The following VCL variants were observed in gnomAD, a reference collection of about 807,000 sequenced individuals.
VCL encodes the protein vinculin.
A neutral mutation model predicts 125.7 loss-of-function variants in VCL; 47 were observed. The ratio of observed to expected loss-of-function variants is 0.37; its 90% confidence interval spans 0.30 to 0.48. The LOEUF (loss-of-function observed/expected upper bound fraction) is 0.48, where lower values mean the gene tolerates loss of function less well. Ranked by LOEUF, VCL falls within the 20% of genes least tolerant of loss-of-function variation. The pLI is 0.99. For missense variants in VCL, 1,069 were observed against 1,455.5 expected (o/e 0.73, Z 4.32); for synonymous variants, 458 against 514.6 (o/e 0.89, Z 1.49).
At position 74,114,883 on chromosome 10, in the gene VCL, A is replaced by G; in HGVS notation, c.3242A>G (p.Asp1081Gly). ...ATGCTGGGCCGGACCAACATCAGTG[A>G]TGAGGAGTCTGAGCAGGTATGTGGC... ...ATMLGRTNIS[D>G]EESEQATEML... The change falls in exon 21 of 22, where the codon GAT becomes GGT. Residue 1081 changes from aspartate to glycine, a missense_variant. Asp to Gly is a moderately conservative substitution (Grantham distance 94). Around this residue, in one of 6 missense-constraint regions of VCL, gnomAD observed 91 missense variants for 203.9 expected, o/e 0.45. Transcript: ENST00000211998. The G allele has an allele frequency of 6.3e-7, 1 of 1,597,202 alleles. No homozygotes were observed. Among genetic ancestry groups the G allele is most frequent in the African/African-American group, 1.3e-5 (1 of 74,560 alleles).
intron 1 of VCL, among the ~76,000 whole-genome samples, chr10:74,017,901 G>C (rs1300906006): frequency 6.6e-6 from 1 of 151,894 alleles, no homozygotes; most frequent in Non-Finnish European, 1.5e-5. Context: ...GCTCATGCCT[G>C]TAATCCCAGC....
intron 2 of VCL, among the ~76,000 whole-genome samples, chr10:74,053,371 A>G (rs1841340187): frequency 6.6e-6 from 1 of 152,098 alleles, no homozygotes; most frequent in African/African-American, 2.4e-5. Flanking sequence ...ATTCATAATA[A>G]TTATTCTTTT....
chr10:74,072,682 G>A lies in VCL; in HGVS notation c.500-48G>A, dbSNP rs751436955. 10 of 1,613,154 alleles carry A rather than the reference G, an allele frequency of 6.2e-6. No individual in the cohort carries two copies. The East Asian group carries it at 6.7e-5, about 11-fold the overall frequency. ...GATTTAGACTGAGAAAGCCAGACCC[G>A]GGATTGTTTCACTACTCACCCTGCA... On this transcript the variant is annotated intron_variant, in intron 4 of 21. Transcript: ENST00000211998.
At chr10:74,058,092 C>A (rs1297255149) in intron 2 of VCL, among the ~76,000 whole-genome samples, 1 of 152,080 alleles carries the variant, frequency 6.6e-6, no homozygotes, top group Non-Finnish European at 1.5e-5. Context: ...GGGAAGATCT[C>A]AACAAGGGCT....
intron 1 of VCL, chr10:74,005,042 G>T (rs1358572823): frequency 6.6e-6 from 1 of 152,018 alleles, no homozygotes; most frequent in Non-Finnish European, 1.5e-5. Flanking sequence ...AGTAGATACA[G>T]ATCAGCACAA....
chr10:74,031,819 C>T (rs1840877931), intron 1 of VCL, among the ~76,000 whole-genome samples: 1 of 152,004 alleles, frequency 6.6e-6, no homozygotes, highest in African/African-American at 2.4e-5. Flanking sequence ...AATCCCAGCA[C>T]TTTGGGAGGC....
At chr10:74,102,802 G>A (rs540101568) in intron 14 of VCL, among the ~76,000 whole-genome samples, 2 of 151,560 alleles carry the variant, frequency 1.3e-5, no homozygotes, top group East Asian at 1.9e-4. Context: ...AGGAATCTAG[G>A]CTTATAACAC....
intron 2 of VCL, among the ~76,000 whole-genome samples, chr10:74,043,399 T>C (rs1841134255): frequency 6.6e-6 from 1 of 151,986 alleles, no homozygotes; most frequent in Non-Finnish European, 1.5e-5. Context: ...CAGTTTGGAG[T>C]GCAATGGTGC....
rs1429797708 is a variant in VCL at position 74,105,191 on chromosome 10, C to T, written c.2272C>T (p.Arg758Cys). ...MLVAGATSIARRANRILLVAK... is the reference protein window; with the variant it reads ...MLVAGATSIACRANRILLVAK... ...GGTTGCTGGGGCAACCAGTATTGCT[C>T]GTCGGGCCAACCGGATCCTGCTGGT... Residue 758 changes from arginine (R) to cysteine (C), a missense_variant, in exon 16 of 22, where the codon CGT becomes TGT. By Grantham distance (180) the Arg-to-Cys change is radical. Coordinates refer to ENST00000211998, the MANE Select transcript of VCL (RefSeq NM_014000.3). The T allele has an allele frequency of 8.1e-6, 13 of 1,614,034 alleles. No homozygotes were observed. The highest frequency in any genetic ancestry group is 1.1e-5 in the Non-Finnish European group (13 of 1,180,042).
intron 6 of VCL, among the ~76,000 whole-genome samples, chr10:74,081,409 C>T (rs1839672429): frequency 2.0e-5 from 3 of 152,078 alleles, no homozygotes; most frequent in African/African-American, 7.2e-5. Flanking sequence ...GTGTGGAAAA[C>T]TAGTGGTGCA....
chr10:74,043,351 A>AT lies in VCL; in HGVS notation c.239+210dup, dbSNP rs142336119. Among the ~76,000 whole-genome samples, 52,295 of 148,982 alleles carry AT rather than the reference A, an allele frequency of 0.35. 10,628 individuals carry two copies. The highest frequency in any genetic ancestry group is 0.47 in the Non-Finnish European group (31,676 of 67,166). On this transcript the variant is annotated intron_variant, in intron 2 of 21. Coordinates refer to ENST00000211998, the MANE Select transcript of VCL (RefSeq NM_014000.3). The stretch of plus-strand genomic sequence containing the variant: ...GATATTAGGCATTTTTGACATAATA[A>AT]TTTTTTTTTTTTGAGACGGAGTTTC...
intron 1 of VCL, among the ~76,000 whole-genome samples, chr10:74,004,789 C>T (rs968337111): frequency 6.6e-6 from 1 of 151,982 alleles, no homozygotes; most frequent in Non-Finnish European, 1.5e-5. Context: ...ACCGCAACCT[C>T]CGCCTCCTGG....
At chr10:74,033,811 G>T (rs1331394121) in intron 1 of VCL, among the ~76,000 whole-genome samples, 1 of 152,092 alleles carries the variant, frequency 6.6e-6, no homozygotes, top group African/African-American at 2.4e-5. Flanking sequence ...CTCAGAGCTG[G>T]TTTTCTTCCT....
chr10:74,043,227 AG>A lies in VCL; in HGVS notation c.239+75del. The A allele has an allele frequency of 3.0e-6, 4 of 1,349,826 alleles. No individual in the cohort carries two copies. The South Asian group carries it at 4.9e-5, about 17-fold the overall frequency. 83.6% of individuals were successfully genotyped at this position (1,349,826 alleles called of 1,614,324 possible). ...TTAGGAAGAAAAAGTAGCTGATTTC[AG>A]TAACAACTTTTTTTTGGTATAAAAC... On this transcript the variant is annotated intron_variant, in intron 2 of 21. Coordinates refer to ENST00000211998, the MANE Select transcript of VCL (RefSeq NM_014000.3).
intron 1 of VCL, among the ~76,000 whole-genome samples, chr10:74,012,081 C>G (rs1840446536): frequency 6.6e-6 from 1 of 152,160 alleles, no homozygotes; most frequent in South Asian, 2.1e-4. Flanking sequence ...AGTAAGCTTT[C>G]TGTGAAGAAA....
intron 2 of VCL, among the ~76,000 whole-genome samples, chr10:74,066,044 T>A (rs908376659): frequency 1.5e-4 from 19 of 128,794 alleles, no homozygotes; most frequent in Admixed American, 3.5e-4. Flanking sequence ...TAAATCAATT[T>A]TGGTATATAT....
chr10:74,080,339 G>A (rs1430431602), intron 6 of VCL, among the ~76,000 whole-genome samples: 2 of 152,086 alleles, frequency 1.3e-5, no homozygotes, highest in African/African-American at 2.4e-5. Context: ...CATTTGATAA[G>A]CAATGAGGTT....
At chr10:74,060,962 T>C (rs1023490004) in intron 2 of VCL, among the ~76,000 whole-genome samples, 3 of 152,118 alleles carry the variant, frequency 2.0e-5, no homozygotes, top group African/African-American at 7.2e-5. Context: ...ATTTGATATA[T>C]AGCATAAGAT....
chr10:74,004,597 G>A (rs1840285679), intron 1 of VCL, among the ~76,000 whole-genome samples: 2 of 152,142 alleles, frequency 1.3e-5, no homozygotes, highest in African/African-American at 2.4e-5. Flanking sequence ...AACAGTATCT[G>A]TTTAGAGCCT....
Sources: gnomAD v4.1 joint callset for allele counts (sites outside exome capture counted in the v4.1 genomes callset) on GRCh38, gnomAD v4.1.1 for gene constraint, gnomAD v4.1.1 regional missense constraint, MANE v1.5 for transcripts, NCBI Gene and HGNC (gene_info 2026-07-23, HGNC 2026-07-21) for gene names.